The following GRIN3B variants were observed in gnomAD, a reference collection of about 807,000 sequenced individuals.
GRIN3B encodes glutamate receptor ionotropic, NMDA 3B.
In GRIN3B, 77 loss-of-function variants were observed where a neutral mutation model predicts 66.0. That is an observed-to-expected ratio of 1.17 (90% CI 0.97 to 1.41). The LOEUF (loss-of-function observed/expected upper bound fraction) is 1.41. GRIN3B is among the 40% of genes most tolerant of loss of function. The probability of loss-of-function intolerance (pLI) is 0.00; values close to 1 mark genes in which losing one functional copy is unlikely to be tolerated. For missense variants in GRIN3B, 1,787 were observed against 1,564.5 expected, an observed-to-expected ratio of 1.14 and a Z score of -2.40; for synonymous variants, 823 against 749.7, an observed-to-expected ratio of 1.10 and a Z score of -1.60.
At position 1,007,391 on chromosome 19, in the gene GRIN3B, T is replaced by C; in HGVS notation, c.2053-237T>C. ...ACTTGCCGGCGTTTAGAACAGAGGG[T>C]CTCCACCCGGGGTGATCCTGCCCCC... On this transcript the variant is annotated intron_variant, in intron 3 of 8. Transcript: ENST00000234389. This position sits in a 1 kb window ranked among gnomAD's most constrained non-coding sequence, Gnocchi z 4.4. Among the ~76,000 whole-genome samples, 1 of 150,964 alleles carries C rather than the reference T, an allele frequency of 6.6e-6. No individual in the cohort carries two copies. Among genetic ancestry groups the C allele is most frequent in the African/African-American group, 2.4e-5 (1 of 40,882 alleles).
rs1262531289 is a variant in GRIN3B, at chr19:1,007,439, T to A, written c.2053-189T>A. On this transcript the variant is annotated intron_variant, in intron 3 of 8. Transcript: ENST00000234389. The surrounding 1 kb of genome is among the most constrained non-coding windows in gnomAD (Gnocchi z 4.4). ...CCCCGCCCCAGGGGACCCTGGACAGTGTGTGTCTAGAGACAGCTGTGGTGG... is the reference window on the plus strand; with the variant it reads ...CCCCGCCCCAGGGGACCCTGGACAGAGTGTGTCTAGAGACAGCTGTGGTGG... Among the ~76,000 whole-genome samples, 1 of 151,194 alleles carries A rather than the reference T, an allele frequency of 6.6e-6. No individual in the cohort carries two copies. The highest frequency in any genetic ancestry group is 6.6e-5 in the Admixed American group (1 of 15,216).
At chr19:1,003,050 C>T (rs117428280) in intron 1 of GRIN3B, 80 bp from the exon 2 acceptor site, 14,871 of 1,018,420 alleles carry the variant, frequency 0.015, 132 homozygotes, top group South Asian at 0.027. Context: ...CATCTACTTG[C>T]GGATCACCCG....
chr19:1,004,403 T>A (rs927442140), intron 2 of GRIN3B, 118 bp from the exon 3 acceptor site: 67 of 884,636 alleles, frequency 7.6e-5, no homozygotes, highest in Non-Finnish European at 8.6e-5. Flanking sequence ...AGCGTCCACG[T>A]TTGTCCTCAT....
Position 1,005,412 on chromosome 19 carries a change from C to G in GRIN3B, c.1911C>G (p.Pro637=). ...GACGCACCGTGTCCAGCAAGACGCC[C>G]AAGTGCCCCACGGGCCGCCTGCTCA... is the stretch of plus-strand genomic sequence containing the variant. ...LFRRTVSSKT[P]KCPTGRLLMN... The change falls in exon 3 of 9, where the codon CCC becomes CCG. Residue 637 remains proline, a synonymous_variant. Coordinates refer to ENST00000234389, the MANE Select transcript of GRIN3B (RefSeq NM_138690.3). The surrounding 1 kb of genome is among the most constrained non-coding windows in gnomAD (Gnocchi z 5.2). 6.2e-7 allele frequency: 1 copy of G among 1,613,666 alleles called. No homozygotes were observed. The highest frequency in any genetic ancestry group is 8.5e-7 in the Non-Finnish European group (1 of 1,179,994).
In GRIN3B at chr19:1,007,683, A is replaced by G; in HGVS notation, c.2108A>G (p.Glu703Gly). Residue 703 changes from glutamate to glycine, a missense_variant, in exon 4 of 9, where the codon GAG becomes GGG. By Grantham distance (98) the Glu-to-Gly change is moderately conservative. Coordinates refer to ENST00000234389, the MANE Select transcript of GRIN3B (RefSeq NM_138690.3). The surrounding 1 kb of genome is among the most constrained non-coding windows in gnomAD (Gnocchi z 4.4). ...RFGTVWESSA[E>G]AYIKKSFPDM... is the part of the protein sequence containing the mutation. ...GGCACCGTGTGGGAGAGCAGCGCCG[A>G]GGCGTACATCAAGAAGAGCTTCCCC... 6.5e-7 allele frequency: 1 copy of G among 1,536,920 alleles called. No homozygotes were observed.
In GRIN3B at chr19:1,008,146, G is replaced by A; in HGVS notation, c.2321G>A (p.Gly774Glu). Residue 774 changes from glycine (G) to glutamate (E), a missense_variant, in exon 6 of 9, where the codon GGG (glycine) becomes GAG (glutamate). Transcript: ENST00000234389. ...CCTGGCCCCGCGCCCCCAGGCTATGGGATCGGACTGCCCCAGAACTCGCCG... is the reference window on the plus strand; with the variant it reads ...CCTGGCCCCGCGCCCCCAGGCTATGAGATCGGACTGCCCCAGAACTCGCCG... ...VGKPFAIEGYGIGLPQNSPLT... is the reference protein window; with the variant it reads ...VGKPFAIEGYEIGLPQNSPLT... The A allele has an allele frequency of 1.3e-6, 2 of 1,594,348 alleles. No homozygotes were observed. The highest frequency in any genetic ancestry group is 2.3e-5 in the South Asian group (2 of 88,352).
intron 3 of GRIN3B, among the ~76,000 whole-genome samples, chr19:1,006,585 G>A (rs931833389): frequency 3.9e-5 from 6 of 152,152 alleles, no homozygotes; most frequent in Admixed American, 2.0e-4. Context: ...GGGATTAGAC[G>A]TGAGCCATCG....
Position 1,000,550 on chromosome 19 carries a change from G to C in GRIN3B, c.113G>C (p.Arg38Pro). 6 of 1,127,900 alleles carry C rather than the reference G, an allele frequency of 5.3e-6. No homozygotes were observed. The highest frequency in any genetic ancestry group is 6.5e-6 in the Non-Finnish European group (6 of 922,106). The allele number at this position is 1,127,900 out of a possible 1,614,324, so 69.9% of individuals were successfully genotyped here. Residue 38 changes from arginine to proline, a missense_variant, in exon 1 of 9, where the codon CGC (arginine) becomes CCC (proline). Coordinates refer to ENST00000234389, the MANE Select transcript of GRIN3B (RefSeq NM_138690.3). ...CTGGCGCGCCTCGGGGGCTCCGTGC[G>C]CCTGGGCGCCCTCCTGCCCCGCGCG... ...GVLARLGGSV[R>P]LGALLPRAPL...
chr19:1,004,538 C>G lies in GRIN3B; in HGVS notation c.1037C>G (p.Ser346Cys), dbSNP rs2038719340. The change falls in exon 3 of 9, where the codon TCC (serine) becomes TGC (cysteine). Residue 346 changes from serine (S) to cysteine (C), a missense_variant. Physicochemically the swap from Ser to Cys is moderately radical, Grantham distance 112. Transcript: ENST00000234389. Reference protein sequence around the residue: ...RFLARFLANTSFQGRTGPVWV... With the variant: ...RFLARFLANTCFQGRTGPVWV... ...GCCCCTAGGTTCCTGGCCAACACGT[C>G]CTTCCAGGGCCGCACGGGCCCCGTG... The G allele has an allele frequency of 7.1e-7, 1 of 1,404,132 alleles. No homozygotes were observed. The highest frequency in any genetic ancestry group is 3.4e-5 in the East Asian group (1 of 29,314). The allele number at this position is 1,404,132 out of a possible 1,614,324, so 87.0% of individuals were successfully genotyped here. A position where few individuals can be genotyped will look rare whatever the true frequency, so the allele number is the denominator to read the frequency against.
Position 1,008,755 on chromosome 19 carries a change from G to A in GRIN3B, c.2604G>A (p.Arg868=). ...TGCCGCGCATCCGCAAGGGGAGCAG[G>A]CTGCAGTACTGGCTGCACACCAGCC... ...LALPRIRKGS[R]LQYWLHTSQK... Residue 868 remains arginine, a synonymous_variant, in exon 7 of 9, where the codon AGG becomes AGA. Coordinates refer to ENST00000234389, the MANE Select transcript of GRIN3B (RefSeq NM_138690.3). 2 of 1,605,694 alleles carry A rather than the reference G, an allele frequency of 1.2e-6. No individual in the cohort carries two copies. Among genetic ancestry groups the A allele is most frequent in the Non-Finnish European group, 8.5e-7 (1 of 1,176,636 alleles).
At position 1,007,520 on chromosome 19, in the gene GRIN3B, C is replaced by T. The variant is rs73497153; in HGVS notation, c.2053-108C>T. ...TGGGTGGAGGCCAGGAATGCAGCCTCGGCGCCCTGCAGTGCCCAGGACGGC... is the reference window on the plus strand; with the variant it reads ...TGGGTGGAGGCCAGGAATGCAGCCTTGGCGCCCTGCAGTGCCCAGGACGGC... On this transcript the variant is annotated intron_variant, in intron 3 of 8. Transcript: ENST00000234389. This position sits in a 1 kb window ranked among gnomAD's most constrained non-coding sequence, Gnocchi z 4.4. The T allele has an allele frequency of 0.017, 21,677 of 1,266,792 alleles. 426 individuals carry two copies. The highest frequency in any genetic ancestry group is 0.097 in the African/African-American group (6,160 of 63,308). The allele number at this position is 1,266,792 out of a possible 1,614,324, so 78.5% of individuals were successfully genotyped here. A position where few individuals can be genotyped will look rare whatever the true frequency, so the allele number is the denominator to read the frequency against.
chr19:1,009,432 C>A lies in GRIN3B; in HGVS notation c.2962C>A (p.Arg988Ser). 1 of 1,456,108 alleles carries A rather than the reference C, an allele frequency of 6.9e-7. No individual in the cohort carries two copies. Among genetic ancestry groups the A allele is most frequent in the Non-Finnish European group, 9.0e-7 (1 of 1,110,762 alleles). 90.2% of individuals were successfully genotyped at this position (1,456,108 alleles called of 1,614,324 possible). The stretch of plus-strand genomic sequence containing the variant: ...GCCCGGGGAGCTGCAGGAGCTGGAG[C>A]GCCGCATCGAAGTCGCGCGTGAGCG... The part of the protein sequence containing the change: ...PQPGELQELE[R>S]RIEVARERLR... Residue 988 changes from arginine to serine, a missense_variant, in exon 9 of 9, where the codon CGC becomes AGC. Physicochemically the swap from Arg to Ser is moderately radical, Grantham distance 110. Coordinates refer to ENST00000234389, the MANE Select transcript of GRIN3B (RefSeq NM_138690.3).
chr19:1,001,477 C>G (rs1285742611), intron 1 of GRIN3B, among the ~76,000 whole-genome samples: 1 of 151,914 alleles, frequency 6.6e-6, no homozygotes, highest in Non-Finnish European at 1.5e-5. Context: ...CTAACCCCAC[C>G]CCAGGCCCAG....
Position 1,005,030 on chromosome 19 carries a change from A to G in GRIN3B, c.1529A>G (p.Asp510Gly). 6.2e-7 allele frequency: 1 copy of G among 1,611,854 alleles called. No homozygotes were observed. Among genetic ancestry groups the G allele is most frequent in the Non-Finnish European group, 8.5e-7 (1 of 1,179,414 alleles). Residue 510 changes from aspartate (D) to glycine (G), a missense_variant, in exon 3 of 9, where the codon GAC becomes GGC. Transcript: ENST00000234389. The surrounding 1 kb of genome is among the most constrained non-coding windows in gnomAD (Gnocchi z 5.2). ...VGDGKYGALR[D>G]GRWTGLVGDL... The stretch of plus-strand genomic sequence containing the variant: ...GACGGCAAGTACGGCGCCCTGCGGG[A>G]CGGCCGCTGGACCGGCCTGGTCGGG...
In GRIN3B at chr19:1,009,729, C is replaced by G; in HGVS notation, c.*127C>G. 5 of 818,904 alleles carry G rather than the reference C, an allele frequency of 6.1e-6. No homozygotes were observed. Among genetic ancestry groups the G allele is most frequent in the Non-Finnish European group, 8.6e-6 (5 of 584,090 alleles). 50.7% of individuals were successfully genotyped at this position (818,904 alleles called of 1,614,324 possible). ...AATTAAATAGAATGGAATGAGCGCT[C>G]CTCCGCATTCCTCCCCGAGTGACTG... On this transcript the variant is annotated 3_prime_UTR_variant, in exon 9 of 9. Coordinates refer to ENST00000234389, the MANE Select transcript of GRIN3B (RefSeq NM_138690.3).
chr19:1,004,456 G>A (rs1675910519), intron 2 of GRIN3B, 65 bp from the exon 3 acceptor site: 3 of 1,391,788 alleles, frequency 2.2e-6, no homozygotes, highest in Admixed American at 2.0e-5. Context: ...CACGTGCTGG[G>A]CAGGGGTGAG....
intron 1 of GRIN3B, 79 bp from the exon 2 acceptor site, chr19:1,003,051 G>A (rs1204472924): frequency 1.6e-5 from 17 of 1,031,430 alleles, no homozygotes; most frequent in South Asian, 5.7e-5. Flanking sequence ...ATCTACTTGC[G>A]GATCACCCGC....
chr19:1,006,104 C>T (rs2038745742), intron 3 of GRIN3B, among the ~76,000 whole-genome samples: 2 of 152,186 alleles, frequency 1.3e-5, no homozygotes, highest in African/African-American at 4.8e-5. Flanking sequence ...CCCACCTTGG[C>T]CTCCCAAAGT....
Position 1,007,023 on chromosome 19 carries a change from C to G in GRIN3B, c.2053-605C>G, listed in dbSNP as rs1292414253. Among the ~76,000 whole-genome samples the G allele has an allele frequency of 2.0e-5, 3 of 152,142 alleles. No individual in the cohort carries two copies. The highest frequency in any genetic ancestry group is 7.2e-5 in the African/African-American group (3 of 41,416). On this transcript the variant is annotated intron_variant, in intron 3 of 8. Coordinates refer to ENST00000234389, the MANE Select transcript of GRIN3B (RefSeq NM_138690.3). The surrounding 1 kb of genome is among the most constrained non-coding windows in gnomAD (Gnocchi z 4.4). ...TGGGGAGAACAGACCACGGGTGGTG[C>G]AGGGAGGACCCCGCAGAGGGGCCTG...
Sources: allele counts gnomAD v4.1 joint callset (sites outside exome capture counted in the v4.1 genomes callset), GRCh38; gene constraint gnomAD v4.1.1; non-coding constraint Gnocchi (gnomAD v3.1); transcripts MANE v1.5; gene names NCBI Gene and HGNC (gene_info 2026-07-23, HGNC 2026-07-21).